TFPI: variants seen among roughly 807,000 people sequenced by gnomAD.
TFPI encodes anti-convertin.
Under a neutral mutation model 34.6 loss-of-function variants are expected in TFPI, and 15 were observed. The ratio of observed to expected loss-of-function variants is 0.43; its 90% CI spans 0.29 to 0.67. The LOEUF is 0.67. Ranked by LOEUF, TFPI falls within the 30% of genes least tolerant of loss-of-function variation. The pLI is 0.15. For missense variants in TFPI, 301 were observed against 364.0 expected (o/e 0.83, Z 1.41); for synonymous variants, 105 against 120.1 (o/e 0.87, Z 0.82).
intron 2 of TFPI, among the ~76,000 whole-genome samples, chr2:187,497,401 G>A (rs551375251): frequency 3.0e-4 from 45 of 152,056 alleles, no homozygotes; most frequent in African/African-American, 3.6e-4. Context: ...CTAATGGACA[G>A]TTCTTTGAAT....
At chr2:187,504,505 T>G (rs1185458446) in intron 1 of TFPI, among the ~76,000 whole-genome samples, 1 of 151,760 alleles carries the variant, frequency 6.6e-6, no homozygotes, top group Admixed American at 6.6e-5. Context: ...GGAATCAGAT[T>G]TCAATAGGAG....
At chr2:187,485,842 T>C (rs1237797457) in intron 4 of TFPI, among the ~76,000 whole-genome samples, 2 of 151,722 alleles carry the variant, frequency 1.3e-5, no homozygotes, top group Non-Finnish European at 3.0e-5. Flanking sequence ...AAAATTCCAA[T>C]TTCTCAATTT....
At chr2:187,513,414 T>C (rs1364567248) in intron 1 of TFPI, among the ~76,000 whole-genome samples, 1 of 152,216 alleles carries the variant, frequency 6.6e-6, no homozygotes, top group Non-Finnish European at 1.5e-5. Flanking sequence ...AACACACTAA[T>C]ATAAAGGTGA....
At chr2:187,510,483 C>A (rs2106155450) in intron 1 of TFPI, among the ~76,000 whole-genome samples, 1 of 152,294 alleles carries the variant, frequency 6.6e-6, no homozygotes, top group Non-Finnish European at 1.5e-5. Context: ...AAATAACACC[C>A]TTCTACTAAG....
In TFPI at chr2:187,496,672, T is replaced by C. The variant is rs77095000; in HGVS notation, c.319+209A>G. 1.2e-3 allele frequency among the ~76,000 whole-genome samples: 184 copies of C among 152,216 alleles called. 2 individuals carry two copies. In the East Asian group the frequency reaches 0.031, roughly 26 times the overall value. On this transcript the variant is annotated intron_variant, in intron 3 of 7. Transcript: ENST00000233156. ...GCATATAGAGAGTTTCTGGTACCTA[T>C]AAATGTGGGTATTTCATGGTACAAT... is the stretch of plus-strand genomic sequence containing the variant.
In TFPI at chr2:187,543,440, TA is replaced by T. The variant is rs1688686875; in HGVS notation, c.-3+10759del. Among the ~76,000 whole-genome samples, 5 of 152,272 alleles carry T rather than the reference TA, an allele frequency of 3.3e-5. No individual in the cohort carries two copies. In the South Asian group the frequency reaches 1.0e-3, roughly 32 times the overall value. On this transcript the variant is annotated intron_variant, in intron 1 of 7. Coordinates refer to ENST00000233156, the MANE Select transcript of TFPI (RefSeq NM_006287.6). ...GATGCATAATTTAAGATCAACCAAG[TA>T]AAAAACTGGTGTTCATGGAGAAAAA...
intron 2 of TFPI, among the ~76,000 whole-genome samples, chr2:187,497,942 T>C (rs776457536): frequency 5.3e-5 from 8 of 151,926 alleles, no homozygotes; most frequent in Non-Finnish European, 1.0e-4. Context: ...TGCCATATAA[T>C]ACTTCTTGAA....
chr2:187,531,345 A>G (rs1687945512), intron 1 of TFPI, among the ~76,000 whole-genome samples: 1 of 152,220 alleles, frequency 6.6e-6, no homozygotes, highest in Non-Finnish European at 1.5e-5. Context: ...CTTATTATAT[A>G]AAATGTTTAT....
At chr2:187,552,459 T>C (rs941893636) in intron 1 of TFPI, among the ~76,000 whole-genome samples, 7 of 152,094 alleles carry the variant, frequency 4.6e-5, no homozygotes, top group African/African-American at 1.2e-4. Flanking sequence ...TATGTTATCA[T>C]TTTATGTATT....
chr2:187,536,954 C>G (rs190599213), intron 1 of TFPI, among the ~76,000 whole-genome samples: 2,830 of 151,974 alleles, frequency 0.019, 94 homozygotes, highest in African/African-American at 0.064. Flanking sequence ...GACAAACAGA[C>G]AGCCAAATCA....
chr2:187,530,062 A>G (rs1189899178), intron 1 of TFPI, among the ~76,000 whole-genome samples: 3 of 152,172 alleles, frequency 2.0e-5, no homozygotes, highest in Non-Finnish European at 4.4e-5. Flanking sequence ...GTGTTCTCCA[A>G]TGAGAAAGTG....
At chr2:187,488,494 A>T in intron 3 of TFPI, 119 bp from the exon 4 acceptor site, 1 of 546,652 alleles carries the variant, frequency 1.8e-6, no homozygotes, top group Non-Finnish European at 3.0e-6. Context: ...CTTATACAGA[A>T]TGTCTTAATA....
intron 2 of TFPI, among the ~76,000 whole-genome samples, chr2:187,503,057 C>T (rs1685955790): frequency 6.6e-6 from 1 of 151,960 alleles, no homozygotes; most frequent in Admixed American, 6.6e-5. Context: ...CCACAATAAC[C>T]ATCACCATAC....
chr2:187,466,704 GAAAATAAGTAATTTCCC>G lies in TFPI; in HGVS notation c.*215_*231del. ...TTAAATGAAAATACAGATAGATCCA[GAAAATAAGTAATTTCCC>G]AGTAGCCAGTTAATAAATTACAGAC... On this transcript the variant is annotated 3_prime_UTR_variant, in exon 8 of 8. Coordinates refer to ENST00000233156, the MANE Select transcript of TFPI (RefSeq NM_006287.6). 1 of 285,432 alleles carries G rather than the reference GAAAATAAGTAATTTCCC, an allele frequency of 3.5e-6. No individual in the cohort carries two copies. Among genetic ancestry groups the G allele is most frequent in the Non-Finnish European group, 6.7e-6 (1 of 149,084 alleles). The allele number at this position is 285,432 out of a possible 1,614,324, so 17.7% of individuals were successfully genotyped here.
rs1693080613 is a variant in TFPI at position 187,484,147 on chromosome 2, G to A, written c.605C>T (p.Ser202Leu). The A allele has an allele frequency of 6.2e-7, 1 of 1,612,402 alleles. No homozygotes were observed. Among genetic ancestry groups the A allele is most frequent in the Non-Finnish European group, 8.5e-7 (1 of 1,178,808 alleles). Reference sequence around the variant, plus strand: ...ACCAAAAAGGCTGGGAACCTTGGTTGATTGCGGAGTCAGGGAGTTATTCAC... The same window carrying A: ...ACCAAAAAGGCTGGGAACCTTGGTTAATTGCGGAGTCAGGGAGTTATTCAC... Reference protein sequence around the residue: ...NAVNNSLTPQSTKVPSLFEFH... With the variant: ...NAVNNSLTPQLTKVPSLFEFH... Residue 202 changes from serine to leucine, a missense_variant, in exon 6 of 8, where the codon TCA becomes TTA. Ser to Leu is a moderately radical substitution (Grantham distance 145). Coordinates refer to ENST00000233156, the MANE Select transcript of TFPI (RefSeq NM_006287.6).
intron 1 of TFPI, among the ~76,000 whole-genome samples, chr2:187,537,206 T>G (rs1429810612): frequency 6.6e-6 from 1 of 152,146 alleles, no homozygotes; most frequent in Non-Finnish European, 1.5e-5. Context: ...AGCTACCATT[T>G]ACTTTCTTCA....
chr2:187,504,462 C>T (rs1051498728), intron 1 of TFPI, among the ~76,000 whole-genome samples: 1 of 151,272 alleles, frequency 6.6e-6, no homozygotes, highest in African/African-American at 2.4e-5. Flanking sequence ...AAAAGTGACT[C>T]TAAGTGATAA....
intron 1 of TFPI, among the ~76,000 whole-genome samples, chr2:187,513,382 G>T (rs4667167): frequency 1 from 151,663 of 152,352 alleles, 75,497 homozygotes; most frequent in East Asian, 1. Context: ...GAAGTTTTAT[G>T]AAAACTAAGT....
intron 1 of TFPI, among the ~76,000 whole-genome samples, chr2:187,505,116 CATTTTT>C (rs1348288619): frequency 7.9e-6 from 1 of 126,068 alleles, no homozygotes; most frequent in Non-Finnish European, 1.6e-5. Context: ...ATCCTTATCG[CATTTTT>C]GAACACGTTT....
Sources: gnomAD v4.1 joint callset for allele counts (sites outside exome capture counted in the v4.1 genomes callset) on GRCh38, gnomAD v4.1.1 for gene constraint, MANE v1.5 for transcripts, NCBI Gene and HGNC (gene_info 2026-07-23, HGNC 2026-07-21) for gene names.